TMEM132C: variants seen among roughly 807,000 people sequenced by gnomAD.
TMEM132C encodes protein phosphatase 1, regulatory subunit 152.
TMEM132C carries 29 observed loss-of-function variants against 61.4 expected under a neutral mutation model. The observed-to-expected ratio is 0.47, with a 90% CI of 0.35 to 0.64. The LOEUF is 0.64. TMEM132C is among the 30% of genes least tolerant of loss of function. TMEM132C has a pLI of 0.00. For synonymous variants in TMEM132C, 656 were observed against 633.1 expected (o/e 1.04, Z -0.54); for missense variants, 1,408 against 1,476.9 (o/e 0.95, Z 0.76).
intron 1 of TMEM132C, among the ~76,000 whole-genome samples, chr12:128,360,273 CACA>C (rs1565912293): frequency 2.6e-5 from 4 of 151,722 alleles, no homozygotes; most frequent in African/African-American, 9.7e-5. Context: ...CACACACACA[CACA>C]CACACCCCAG....
rs945972253 is a variant in TMEM132C, at chr12:128,415,673, G to A, written c.974+53G>A. The stretch of plus-strand genomic sequence containing the variant: ...TCTTTGGCATGCCTGGTGTGAGACT[G>A]GGTTCCATGCGTGGCAGATAGATAT... On this transcript the variant is annotated intron_variant, in intron 2 of 8. Coordinates refer to ENST00000435159, the MANE Select transcript of TMEM132C (RefSeq NM_001136103.3). This position sits in a 1 kb window ranked among gnomAD's most constrained non-coding sequence, Gnocchi z 5.8. The A allele has an allele frequency of 1.9e-5, 28 of 1,458,698 alleles. No individual in the cohort carries two copies. Among genetic ancestry groups the A allele is most frequent in the Non-Finnish European group, 2.6e-5 (28 of 1,096,492 alleles). 90.4% of individuals were successfully genotyped at this position (1,458,698 alleles called of 1,614,324 possible). A position where few individuals can be genotyped will look rare whatever the true frequency, so the allele number is the denominator to read the frequency against.
chr12:128,508,341 A>C (rs1460334014), intron 2 of TMEM132C, among the ~76,000 whole-genome samples: 2 of 152,202 alleles, frequency 1.3e-5, no homozygotes, highest in Non-Finnish European at 2.9e-5. Context: ...TTATGGGAAA[A>C]CAACTCAAGA....
chr12:128,434,008 T>C (rs1015926071), intron 2 of TMEM132C, among the ~76,000 whole-genome samples: 1 of 152,226 alleles, frequency 6.6e-6, no homozygotes, highest in Non-Finnish European at 1.5e-5. Flanking sequence ...AGGATGTATG[T>C]TCCTGGATAG....
intron 1 of TMEM132C, among the ~76,000 whole-genome samples, chr12:128,307,783 T>A (rs560467415): frequency 1.3e-5 from 2 of 152,356 alleles, no homozygotes; most frequent in South Asian, 4.1e-4. Context: ...ATGACTCTTA[T>A]GCCCTCAGTT....
At chr12:128,651,467 G>T (rs1489892939) in intron 4 of TMEM132C, among the ~76,000 whole-genome samples, 1 of 152,224 alleles carries the variant, frequency 6.6e-6, no homozygotes, top group Non-Finnish European at 1.5e-5. Flanking sequence ...TCTTTAAAAT[G>T]CTTTTAGAAC....
intron 4 of TMEM132C, among the ~76,000 whole-genome samples, chr12:128,648,624 G>T (rs1282461617): frequency 6.6e-6 from 1 of 151,430 alleles, no homozygotes. Context: ...AGCGTTGGAT[G>T]AGTGTGTTTA....
In TMEM132C at chr12:128,341,129, C is replaced by T. The variant is rs189894935; in HGVS notation, c.86-73603C>T. ...CTAGTTTTTGTATTTTTGGTAGAGA[C>T]GGGGTTTCACCATCTTGGCCGGGCT... On this transcript the variant is annotated intron_variant, in intron 1 of 8. Transcript: ENST00000435159. Among the ~76,000 whole-genome samples the T allele has an allele frequency of 6.5e-4, 99 of 152,018 alleles. No individual in the cohort carries two copies. In the East Asian group the frequency reaches 0.011, roughly 17 times the overall value.
chr12:128,452,113 A>G (rs1459590760), intron 2 of TMEM132C, among the ~76,000 whole-genome samples: 1 of 152,104 alleles, frequency 6.6e-6, no homozygotes, highest in East Asian at 1.9e-4. Flanking sequence ...TTTTTGATAC[A>G]GGGTCTCTCT....
chr12:128,367,523 A>G (rs1055244290), intron 1 of TMEM132C, among the ~76,000 whole-genome samples: 2 of 152,162 alleles, frequency 1.3e-5, no homozygotes, highest in African/African-American at 4.8e-5. Flanking sequence ...AGTTTGGGTT[A>G]ATGATTCCCT....
At chr12:128,657,742 C>T (rs749120650) in intron 4 of TMEM132C, among the ~76,000 whole-genome samples, 6 of 152,202 alleles carry the variant, frequency 3.9e-5, no homozygotes, top group Non-Finnish European at 8.8e-5. Context: ...AACTCTGTTA[C>T]AGAAAAATGG....
At chr12:128,391,208 A>C (rs1249713278) in intron 1 of TMEM132C, among the ~76,000 whole-genome samples, 1 of 152,204 alleles carries the variant, frequency 6.6e-6, no homozygotes, top group African/African-American at 2.4e-5. Flanking sequence ...TGGTGCTAAC[A>C]CTTAAATCCT....
intron 3 of TMEM132C, among the ~76,000 whole-genome samples, chr12:128,547,029 CG>C (rs1185278076): frequency 6.6e-6 from 1 of 152,116 alleles, no homozygotes; most frequent in African/African-American, 2.4e-5. Flanking sequence ...ATTCCCAGGG[CG>C]GGGAATGGCG....
At chr12:128,410,904 A>T (rs950678308) in intron 1 of TMEM132C, among the ~76,000 whole-genome samples, 1 of 152,176 alleles carries the variant, frequency 6.6e-6, no homozygotes, top group Non-Finnish European at 1.5e-5. Flanking sequence ...GTACCTTTAG[A>T]CGTCTTTTTA....
Position 128,706,836 on chromosome 12 carries a change from A to G in TMEM132C, c.*541A>G, listed in dbSNP as rs573408107. 1 of 152,208 alleles carries G rather than the reference A, an allele frequency of 6.6e-6. No homozygotes were observed. The highest frequency in any genetic ancestry group is 2.1e-4 in the South Asian group (1 of 4,800). The allele number at this position is 152,208 out of a possible 1,614,324, so 9.4% of individuals were successfully genotyped here. On this transcript the variant is annotated 3_prime_UTR_variant, in exon 9 of 9. Transcript: ENST00000435159. ...TTGGGATAGAACTAGGGAGTTTTAAATCTTTACTTGATCATCTTTTATTTT... is the reference window on the plus strand; with the variant it reads ...TTGGGATAGAACTAGGGAGTTTTAAGTCTTTACTTGATCATCTTTTATTTT...
At chr12:128,594,225 G>T (rs1293982840) in intron 3 of TMEM132C, among the ~76,000 whole-genome samples, 2 of 152,022 alleles carry the variant, frequency 1.3e-5, no homozygotes, top group Non-Finnish European at 2.9e-5. Context: ...CCCCAGGGGG[G>T]CGCCACATAA....
At position 128,544,055 on chromosome 12, in the gene TMEM132C, T is replaced by G; in HGVS notation, c.1073T>G (p.Val358Gly). Residue 358 changes from valine to glycine, a missense_variant, in exon 3 of 9, where the codon GTG (valine) becomes GGG (glycine). By Grantham distance (109) the Val-to-Gly change is moderately radical (BLOSUM62 -3). Coordinates refer to ENST00000435159, the MANE Select transcript of TMEM132C (RefSeq NM_001136103.3). ...GAGGTGGGCAGCGGCGGAAAGCACG[T>G]GACGGCCACCGTGGCCTGCCAGCGC... The part of the protein sequence containing the change: ...KQEVGSGGKH[V>G]TATVACQRLG... The G allele has an allele frequency of 6.5e-7, 1 of 1,546,488 alleles. No individual in the cohort carries two copies. The highest frequency in any genetic ancestry group is 8.7e-7 in the Non-Finnish European group (1 of 1,144,548).
At chr12:128,444,166 C>T (rs537116204) in intron 2 of TMEM132C, among the ~76,000 whole-genome samples, 9 of 152,292 alleles carry the variant, frequency 5.9e-5, no homozygotes, top group East Asian at 1.9e-4. Context: ...GCGATCCTCC[C>T]GCCTCAGCCT....
At chr12:128,505,738 A>G (rs1371137826) in intron 2 of TMEM132C, among the ~76,000 whole-genome samples, 4 of 152,170 alleles carry the variant, frequency 2.6e-5, no homozygotes, top group African/African-American at 9.7e-5. Context: ...TGTGAGGGCT[A>G]CTCAATGTCA....
intron 5 of TMEM132C, among the ~76,000 whole-genome samples, chr12:128,689,683 T>C (rs1031697325): frequency 6.6e-6 from 1 of 151,748 alleles, no homozygotes; most frequent in African/African-American, 2.4e-5. Context: ...AGTTTAGGAG[T>C]TGTCAGCACA....
Sources: allele counts gnomAD v4.1 joint callset (sites outside exome capture counted in the v4.1 genomes callset), GRCh38; gene constraint gnomAD v4.1.1; non-coding constraint Gnocchi (gnomAD v3.1); transcripts MANE v1.5; gene names NCBI Gene and HGNC (gene_info 2026-07-23, HGNC 2026-07-21).